The following SLAMF9 variants were observed in gnomAD, a reference collection of about 807,000 sequenced individuals.
SLAMF9 encodes SLAM family member 9, also known as CD2 family member 10.
A neutral mutation model predicts 30.4 loss-of-function variants in SLAMF9; 25 were observed. That is an observed-to-expected ratio of 0.82 (90% CI 0.60 to 1.15). The LOEUF is 1.15. Among genes scored for constraint, SLAMF9 ranks in the 50% most tolerant of loss-of-function variants. SLAMF9 has a pLI of 0.00. For missense variants in SLAMF9, 344 were observed against 346.1 expected, an observed-to-expected ratio of 0.99 and a Z score of 0.05; for synonymous variants, 129 against 127.2, an observed-to-expected ratio of 1.01 and a Z score of -0.09.
the SLAMF9 span, among the ~76,000 whole-genome samples, chr1:159,966,257 C>G: frequency 4.5e-3 from 683 of 152,330 alleles, 2 homozygotes; most frequent in African/African-American, 0.016. Flanking sequence ...CCTCTAGATT[C>G]ATTTGTGTTG....
the SLAMF9 span, among the ~76,000 whole-genome samples, chr1:159,970,475 A>T: frequency 6.6e-6 from 1 of 152,248 alleles, no homozygotes; most frequent in African/African-American, 2.4e-5. Context: ...TTCTCTGAGC[A>T]GCCCTGTGAT....
At chr1:159,953,274 C>G in intron 2 of SLAMF9, 35 bp downstream of exon 2, 1 of 1,558,886 alleles carries the variant, frequency 6.4e-7, no homozygotes, top group Non-Finnish European at 8.7e-7. Flanking sequence ...GAAGAGCCCC[C>G]AAAACCAGCT....
At chr1:159,972,921 A>T in the SLAMF9 span, 1 of 1,005,444 alleles carries the variant, frequency 9.9e-7, no homozygotes, top group Non-Finnish European at 1.4e-6. Flanking sequence ...ACTTCCCACA[A>T]CTCCTCTCCT....
At chr1:159,959,257 G>A in the SLAMF9 span, among the ~76,000 whole-genome samples, 1 of 152,072 alleles carries the variant, frequency 6.6e-6, no homozygotes, top group Admixed American at 6.5e-5. Flanking sequence ...GGGAAGTTTT[G>A]CTGGTTAAGT....
At chr1:159,979,593 T>C in the SLAMF9 span, among the ~76,000 whole-genome samples, 1 of 152,104 alleles carries the variant, frequency 6.6e-6, no homozygotes, top group South Asian at 2.1e-4. Flanking sequence ...AATATTTTCT[T>C]GACTGGAAGA....
chr1:159,967,734 CATGGAATATCTTGCCGTTT>C, the SLAMF9 span, among the ~76,000 whole-genome samples: 1 of 152,170 alleles, frequency 6.6e-6, no homozygotes, highest in Non-Finnish European at 1.5e-5. Flanking sequence ...AATCCATGAA[CATGGAATATCTTGCCGTTT>C]ATGTGTGTTT....
chr1:159,951,949 G>A, intron 3 of SLAMF9, 83 bp from the exon 4 acceptor site: 2 of 1,187,078 alleles, frequency 1.7e-6, no homozygotes, highest in Non-Finnish European at 2.4e-6. Flanking sequence ...CAAATTTCAT[G>A]AAGGGGTCTC....
At chr1:159,960,140 T>C in the SLAMF9 span, among the ~76,000 whole-genome samples, 3 of 150,950 alleles carry the variant, frequency 2.0e-5, no homozygotes, top group African/African-American at 7.3e-5. Context: ...GCATTAGGTA[T>C]ATCTCCTAAT....
the SLAMF9 span, chr1:159,973,187 G>T: frequency 1.3e-5 from 19 of 1,502,202 alleles, no homozygotes; most frequent in African/African-American, 1.7e-4. Flanking sequence ...CTGACCTCAG[G>T]GGGTGCAGCT....
At chr1:159,972,077 A>G in the SLAMF9 span, among the ~76,000 whole-genome samples, 22 of 152,246 alleles carry the variant, frequency 1.4e-4, no homozygotes, top group African/African-American at 5.1e-4. Context: ...GAGGGTGCCT[A>G]GAGAGCTTGG....
the SLAMF9 span, chr1:159,979,203 A>G: frequency 1.3e-5 from 2 of 152,382 alleles, no homozygotes; most frequent in South Asian, 4.1e-4. Flanking sequence ...AAGCAGGAGC[A>G]GCATAAGGCT....
At chr1:159,952,643 C>A in intron 2 of SLAMF9, 109 bp from the exon 3 acceptor site, 1 of 1,203,596 alleles carries the variant, frequency 8.3e-7, no homozygotes, top group Non-Finnish European at 1.2e-6. Context: ...AGCCCCTGCA[C>A]CTAAACAACA....
the SLAMF9 span, among the ~76,000 whole-genome samples, chr1:159,962,153 T>A: frequency 6.7e-6 from 1 of 148,250 alleles, no homozygotes; most frequent in African/African-American, 2.5e-5. Flanking sequence ...CAAGACTCCA[T>A]CTCAAAAAAA....
the SLAMF9 span, among the ~76,000 whole-genome samples, chr1:159,982,473 A>T: frequency 6.6e-6 from 1 of 152,138 alleles, no homozygotes; most frequent in Admixed American, 6.5e-5. Flanking sequence ...TCCTATTAAG[A>T]TCCATGCAAA....
the SLAMF9 span, among the ~76,000 whole-genome samples, chr1:159,967,848 AT>A: frequency 1.3e-5 from 2 of 151,916 alleles, no homozygotes; most frequent in Non-Finnish European, 2.9e-5. Flanking sequence ...TAACTATTTT[AT>A]TTTATCTTTT....
the SLAMF9 span, chr1:159,973,749 C>A: frequency 1.3e-6 from 2 of 1,555,630 alleles, no homozygotes; most frequent in Non-Finnish European, 1.8e-6. Context: ...AGAGACGGGA[C>A]CCCTGAGAGG....
chr1:159,967,507 T>C, the SLAMF9 span, among the ~76,000 whole-genome samples: 1 of 152,220 alleles, frequency 6.6e-6, no homozygotes, highest in Non-Finnish European at 1.5e-5. Context: ...TACAATTTCC[T>C]TATAATATAC....
the SLAMF9 span, chr1:159,972,972 C>T: frequency 1.2e-4 from 143 of 1,222,798 alleles, no homozygotes; most frequent in African/African-American, 3.0e-4. Flanking sequence ...CCCCTGGGGG[C>T]GTCGCCACTC....
At chr1:159,973,650 C>T in the SLAMF9 span, 17 of 690,284 alleles carry the variant, frequency 2.5e-5, no homozygotes, top group Non-Finnish European at 4.0e-5. Context: ...ATTGAGACAA[C>T]ATCTTGGGAA....
Sources: gnomAD v4.1 joint callset for allele counts (sites outside exome capture counted in the v4.1 genomes callset) on GRCh38, gnomAD v4.1.1 for gene constraint, MANE v1.5 for transcripts, NCBI Gene and HGNC (gene_info 2026-07-23, HGNC 2026-07-21) for gene names.